The following RARB variants were observed in gnomAD, a reference collection of about 807,000 sequenced individuals.
RARB encodes the protein retinoic acid receptor beta, also known as HBV-activated protein.
A neutral mutation model predicts 51.9 loss-of-function variants in RARB; 17 were observed. The observed-to-expected ratio is 0.33, with a 90% CI of 0.22 to 0.49. The LOEUF (loss-of-function observed/expected upper bound fraction) is 0.49. Ranked by LOEUF, RARB falls within the 20% of genes least tolerant of loss-of-function variation. The pLI, the probability that RARB is intolerant of heterozygous loss-of-function variation, is 0.99. For synonymous variants in RARB, 215 were observed against 195.4 expected (o/e 1.10, Z -0.84); for missense variants, 369 against 550.8 (o/e 0.67, Z 3.30).
At chr3:25,064,717 C>G (rs1698626637) in intron 3 of RARB, among the ~76,000 whole-genome samples, 1 of 152,266 alleles carries the variant, frequency 6.6e-6, no homozygotes, top group South Asian at 2.1e-4. Flanking sequence ...GACCATGTAG[C>G]TAGAAAATGA....
intron 2 of RARB, among the ~76,000 whole-genome samples, chr3:24,940,487 T>G (rs1275017172): frequency 6.6e-6 from 1 of 152,186 alleles, no homozygotes; most frequent in Non-Finnish European, 1.5e-5. Flanking sequence ...CCATTTTAGT[T>G]TTAAAAATAG....
chr3:25,069,469 A>T (rs1173003988), intron 3 of RARB, among the ~76,000 whole-genome samples: 1 of 152,174 alleles, frequency 6.6e-6, no homozygotes, highest in Non-Finnish European at 1.5e-5. Context: ...GGATCATTCC[A>T]CCCAAGCAAG....
At chr3:25,521,349 C>T (rs1039140251) in intron 3 of RARB, among the ~76,000 whole-genome samples, 17 of 152,124 alleles carry the variant, frequency 1.1e-4, no homozygotes, top group Middle Eastern at 3.2e-3. Context: ...CCGGGGGTGC[C>T]GCAAGCATCA....
intron 5 of RARB, chr3:25,345,856 A>G: frequency 2.2e-6 from 2 of 903,152 alleles, no homozygotes; most frequent in Non-Finnish European, 2.6e-6. Context: ...TCCAAAATTC[A>G]TTTCTTAAAA....
At chr3:24,937,308 A>G (rs982985208) in intron 2 of RARB, among the ~76,000 whole-genome samples, 7 of 152,136 alleles carry the variant, frequency 4.6e-5, no homozygotes, top group African/African-American at 1.7e-4. Context: ...ATTCGCTTCT[A>G]TGTGGAGTGC....
chr3:25,113,469 AAGTTGTCTTCTG>A (rs1197561838), intron 3 of RARB, among the ~76,000 whole-genome samples: 1 of 151,992 alleles, frequency 6.6e-6, no homozygotes, highest in Non-Finnish European at 1.5e-5. Flanking sequence ...TTAGGAAATG[AAGTTGTCTTCTG>A]AGTATAAGGC....
intron 5 of RARB, among the ~76,000 whole-genome samples, chr3:25,327,402 A>C (rs1704757499): frequency 6.6e-6 from 1 of 152,186 alleles, no homozygotes; most frequent in African/African-American, 2.4e-5. Flanking sequence ...TTATAATCAA[A>C]GCAATTGGAA....
chr3:25,226,675 G>T (rs1702063277), intron 5 of RARB, among the ~76,000 whole-genome samples: 2 of 152,092 alleles, frequency 1.3e-5, no homozygotes, highest in African/African-American at 2.4e-5. Flanking sequence ...ATTGCTGGTG[G>T]GTACTCAATC....
chr3:24,869,744 G>A (rs1414839421), intron 2 of RARB, among the ~76,000 whole-genome samples: 1 of 152,038 alleles, frequency 6.6e-6, no homozygotes, highest in Non-Finnish European at 1.5e-5. Context: ...TAAATAAGCA[G>A]TAAACATAAT....
chr3:25,413,695 G>T (rs969271308), intron 5 of RARB, among the ~76,000 whole-genome samples: 1 of 151,694 alleles, frequency 6.6e-6, no homozygotes, highest in Non-Finnish European at 1.5e-5. Flanking sequence ...AGACATTTTG[G>T]TAGATGTGTC....
chr3:25,550,934 A>G (rs1032892671), intron 3 of RARB, among the ~76,000 whole-genome samples: 4 of 152,176 alleles, frequency 2.6e-5, no homozygotes, highest in African/African-American at 9.7e-5. Flanking sequence ...CCTTTTTACG[A>G]CTGCATAGTA....
At chr3:25,569,349 G>A (rs1700622144) in intron 3 of RARB, among the ~76,000 whole-genome samples, 1 of 152,192 alleles carries the variant, frequency 6.6e-6, no homozygotes, top group African/African-American at 2.4e-5. Context: ...TACTAATTAT[G>A]AAGTAACGGG....
intron 3 of RARB, among the ~76,000 whole-genome samples, chr3:25,103,027 A>G (rs1186304513): frequency 6.6e-6 from 1 of 152,158 alleles, no homozygotes; most frequent in Non-Finnish European, 1.5e-5. Flanking sequence ...TAGAACTGCT[A>G]GACTAGAGAA....
intron 5 of RARB, among the ~76,000 whole-genome samples, chr3:25,299,503 C>A (rs57138445): frequency 0.013 from 2,009 of 152,188 alleles, 50 homozygotes; most frequent in African/African-American, 0.046. Flanking sequence ...CCTGGCCCAC[C>A]TCACTCGTAA....
At chr3:25,001,708 T>C (rs1466912938) in intron 2 of RARB, among the ~76,000 whole-genome samples, 1 of 152,320 alleles carries the variant, frequency 6.6e-6, no homozygotes, top group African/African-American at 2.4e-5. Context: ...ATAAATATTG[T>C]TCCATCCCAT....
chr3:25,539,534 TTTTTTTTTTTTTTTC>T (rs1180894962), intron 3 of RARB, among the ~76,000 whole-genome samples: 1 of 133,604 alleles, frequency 7.5e-6, no homozygotes, highest in Non-Finnish European at 1.7e-5. Context: ...CTCTCTCTCT[TTTTTTTTTTTTTTTC>T]TTTTTTTTGG....
At chr3:25,037,505 G>A (rs532141894) in intron 2 of RARB, among the ~76,000 whole-genome samples, 184 of 152,206 alleles carry the variant, frequency 1.2e-3, no homozygotes, top group Non-Finnish European at 2.1e-3. Flanking sequence ...CAGAAACTAA[G>A]TAATTTTTAA....
At chr3:24,942,135 G>T (rs181352249) in intron 2 of RARB, among the ~76,000 whole-genome samples, 1 of 152,186 alleles carries the variant, frequency 6.6e-6, no homozygotes. Flanking sequence ...AGGTCACACC[G>T]CTATTATGCG....
At chr3:25,207,005 G>T (rs955636200) in intron 5 of RARB, among the ~76,000 whole-genome samples, 1 of 152,062 alleles carries the variant, frequency 6.6e-6, no homozygotes, top group African/African-American at 2.4e-5. Context: ...TTTTTCCATG[G>T]TTATTTACTT....
Sources: gnomAD v4.1 joint callset for allele counts (sites outside exome capture counted in the v4.1 genomes callset) on GRCh38, gnomAD v4.1.1 for gene constraint, MANE v1.5 for transcripts, NCBI Gene and HGNC (gene_info 2026-07-23, HGNC 2026-07-21) for gene names.